EVL: variants seen among roughly 807,000 people sequenced by gnomAD.
EVL encodes ena/VASP-like protein.
EVL carries 21 observed loss-of-function variants against 59.6 expected under a neutral mutation model. The observed-to-expected ratio is 0.35, with a 90% confidence interval of 0.25 to 0.51. The LOEUF (loss-of-function observed/expected upper bound fraction) is 0.51, where lower values mean the gene tolerates loss of function less well. EVL is among the 20% of genes least tolerant of loss of function. The pLI is 0.97. For synonymous variants in EVL, 198 were observed against 203.5 expected (o/e 0.97, Z 0.23); for missense variants, 462 against 546.6 (o/e 0.85, Z 1.54).
chr14:99,983,040 C>T (rs565338486), intron 1 of EVL, among the ~76,000 whole-genome samples: 114 of 152,296 alleles, frequency 7.5e-4, no homozygotes, highest in South Asian at 1.9e-3. Context: ...ATCTGCCCTA[C>T]TCCACCCCAC....
chr14:100,089,160 G>A (rs1428484595), intron 2 of EVL, among the ~76,000 whole-genome samples: 1 of 152,162 alleles, frequency 6.6e-6, no homozygotes, highest in Admixed American at 6.6e-5. Flanking sequence ...AAAATCTAAA[G>A]GGAGAAGAGA....
At chr14:100,115,303 T>C (rs373907131) in intron 3 of EVL, among the ~76,000 whole-genome samples, 12 of 152,256 alleles carry the variant, frequency 7.9e-5, no homozygotes, top group African/African-American at 2.6e-4. Flanking sequence ...CTTTCCTCAT[T>C]GTGAATGTGA....
intron 1 of EVL, among the ~76,000 whole-genome samples, chr14:99,991,249 A>G (rs1179350019): frequency 6.6e-6 from 1 of 152,198 alleles, no homozygotes. Context: ...ATTTTAATTT[A>G]ACCCTTTTCC....
chr14:100,017,902 ACT>A (rs1416297222), intron 1 of EVL, among the ~76,000 whole-genome samples: 6 of 152,072 alleles, frequency 3.9e-5, no homozygotes, highest in African/African-American at 9.7e-5. Flanking sequence ...CAAGACCTGG[ACT>A]CTCTTGCTTC....
At chr14:99,974,371 A>C (rs1391110336) in intron 1 of EVL, 1 of 152,240 alleles carries the variant, frequency 6.6e-6, no homozygotes, top group East Asian at 1.9e-4. Flanking sequence ...TGCAGTGGAG[A>C]CTCTGGTCAG....
intron 2 of EVL, among the ~76,000 whole-genome samples, chr14:100,094,524 T>C (rs756016339): frequency 9.4e-5 from 14 of 148,818 alleles, no homozygotes; most frequent in Admixed American, 2.7e-4. Context: ...GGAGCATTAC[T>C]TGAGGTCAGG....
intron 7 of EVL, 109 bp from the exon 8 acceptor site, chr14:100,132,610 A>G: frequency 3.2e-6 from 4 of 1,236,692 alleles, no homozygotes; most frequent in Non-Finnish European, 4.8e-6. Context: ...TTTCCCACAC[A>G]GGTTTATCTG....
At chr14:100,067,440 G>T (rs999676736) in intron 1 of EVL, among the ~76,000 whole-genome samples, 4 of 152,312 alleles carry the variant, frequency 2.6e-5, no homozygotes, top group Non-Finnish European at 5.9e-5. Context: ...TTTCACTGAC[G>T]TTATTTAGTT....
At chr14:100,060,694 T>C (rs2061812278), upstream of EVL, among the ~76,000 whole-genome samples, 1 of 151,940 alleles carries the variant, frequency 6.6e-6, no homozygotes, top group African/African-American at 2.4e-5. Context: ...AGAAGAAAAA[T>C]AATTGAGGAA....
Position 100,141,773 on chromosome 14 carries a change from T to A in EVL, c.1199T>A (p.Val400Glu). 6.2e-7 allele frequency: 1 copy of A among 1,613,162 alleles called. No individual in the cohort carries two copies. The highest frequency in any genetic ancestry group is 8.5e-7 in the Non-Finnish European group (1 of 1,179,874). Residue 400 changes from valine (V) to glutamate (E), a missense_variant, in exon 13 of 14, where the codon GTG (valine) becomes GAG (glutamate). Transcript: ENST00000392920. The part of the protein sequence containing the change: ...LEEVVRELHK[V>E]KEEIIDAIRQ... ...GAGGTGGTGAGAGAGCTCCACAAGGTGAAGGAGGAGATCATCGACGGTGAG... is the reference window on the plus strand; with the variant it reads ...GAGGTGGTGAGAGAGCTCCACAAGGAGAAGGAGGAGATCATCGACGGTGAG...
intron 1 of EVL, among the ~76,000 whole-genome samples, chr14:100,003,251 G>A (rs762751393): frequency 5.9e-5 from 9 of 152,048 alleles, no homozygotes; most frequent in Non-Finnish European, 1.2e-4. Context: ...CTCCTTCCAG[G>A]CCTGAAGATG....
intron 1 of EVL, among the ~76,000 whole-genome samples, chr14:100,022,749 G>A (rs1408358382): frequency 1.3e-5 from 2 of 152,162 alleles, no homozygotes; most frequent in Non-Finnish European, 2.9e-5. Flanking sequence ...TGAGCAGTTG[G>A]TACAGTGCAT....
At chr14:100,033,651 TATG>T (rs1292659861) in intron 1 of EVL, among the ~76,000 whole-genome samples, 1 of 152,258 alleles carries the variant, frequency 6.6e-6, no homozygotes, top group African/African-American at 2.4e-5. Context: ...TGAACTTGAC[TATG>T]ATCAGTGTAA....
chr14:100,054,065 T>C (rs1235915474), intron 1 of EVL, among the ~76,000 whole-genome samples: 2 of 144,180 alleles, frequency 1.4e-5, no homozygotes, highest in African/African-American at 2.6e-5. Flanking sequence ...TTTTTTTTTT[T>C]TTTTTTTTGA....
Position 100,097,584 on chromosome 14 carries a change from CAAGTA to C in EVL, c.288_292del (p.Ser96ArgfsTer37). On this transcript the variant is annotated frameshift_variant, in exon 3 of 14. Transcript: ENST00000392920. LOFTEE classifies it high-confidence loss of function. The stretch of plus-strand genomic sequence containing the variant: ...CGCCAGGTCTACGGCTTAAACTTTG[CAAGTA>C]AAGAAGAGGCAACCACGTTCTCCAA... 6.2e-7 allele frequency: 1 copy of C among 1,614,112 alleles called. No homozygotes were observed.
intron 11 of EVL, 167 bp downstream of exon 11, chr14:100,137,969 C>A: frequency 1.5e-6 from 1 of 653,986 alleles, no homozygotes; most frequent in Non-Finnish European, 2.7e-6. Flanking sequence ...TCCTGTCAGT[C>A]AGCTGCTCCG....
intron 6 of EVL, 46 bp from the exon 7 acceptor site, chr14:100,129,517 C>T (rs1459466920): frequency 3.1e-6 from 5 of 1,610,226 alleles, no homozygotes; most frequent in Admixed American, 3.3e-5. Flanking sequence ...TGCTCCTGTT[C>T]TGCCATCAGC....
chr14:100,132,592 G>A lies in EVL; in HGVS notation c.840-127G>A, dbSNP rs534906746. On this transcript the variant is annotated intron_variant, in intron 7 of 13. Transcript: ENST00000392920. ...GGCCTAGACAAGCCGCCTCCTTCACGCCATCGTTTTCCCACACAGGTTTAT... is the reference window on the plus strand; with the variant it reads ...GGCCTAGACAAGCCGCCTCCTTCACACCATCGTTTTCCCACACAGGTTTAT... 21 of 1,079,998 alleles carry A rather than the reference G, an allele frequency of 1.9e-5. 1 individual carries two copies. The highest frequency in any genetic ancestry group is 1.7e-4 in the South Asian group (13 of 77,828). The allele number at this position is 1,079,998 out of a possible 1,614,324, so 66.9% of individuals were successfully genotyped here. A position where few individuals can be genotyped will look rare whatever the true frequency, so the allele number is the denominator to read the frequency against.
chr14:100,129,481 T>C (rs1232963519), intron 6 of EVL, 82 bp from the exon 7 acceptor site: 1 of 1,587,014 alleles, frequency 6.3e-7, no homozygotes, highest in African/African-American at 1.3e-5. Flanking sequence ...ACGCACACAG[T>C]CCCCTGCATC....
Sources: allele counts gnomAD v4.1 joint callset (sites outside exome capture counted in the v4.1 genomes callset), GRCh38; gene constraint gnomAD v4.1.1; transcripts MANE v1.5; gene names NCBI Gene and HGNC (gene_info 2026-07-23, HGNC 2026-07-21).